The following GRIA4 variants were observed in gnomAD, a reference collection of about 807,000 sequenced individuals.
GRIA4 encodes glutamate receptor 4.
In GRIA4, 34 loss-of-function variants were observed where a neutral mutation model predicts 104.0. That is an observed-to-expected ratio of 0.33 (90% CI 0.25 to 0.44). The LOEUF is 0.44. Among genes scored for constraint, GRIA4 ranks in the 20% least tolerant of loss-of-function variants. The pLI, the probability that GRIA4 is intolerant of heterozygous loss-of-function variation, is 1.00. For synonymous variants in GRIA4, 386 were observed against 381.9 expected (o/e 1.01, Z -0.13); for missense variants, 750 against 1,096.5 (o/e 0.68, Z 4.46).
chr11:105,793,335 C>G (rs1210207415), intron 4 of GRIA4, among the ~76,000 whole-genome samples: 4 of 152,076 alleles, frequency 2.6e-5, no homozygotes, highest in Non-Finnish European at 4.4e-5. Context: ...CTACCACTTC[C>G]CCAGGGGTAA....
chr11:105,970,083 C>G (rs983326146), intron 14 of GRIA4, among the ~76,000 whole-genome samples: 1 of 152,024 alleles, frequency 6.6e-6, no homozygotes, highest in African/African-American at 2.4e-5. Context: ...CCATAATCCT[C>G]AACTCACCCC....
At chr11:105,756,456 C>T (rs1565521248) in intron 4 of GRIA4, among the ~76,000 whole-genome samples, 1 of 152,112 alleles carries the variant, frequency 6.6e-6, no homozygotes, top group Admixed American at 6.6e-5. Flanking sequence ...TAAAATTCCC[C>T]TGGTTCATTT....
intron 3 of GRIA4, among the ~76,000 whole-genome samples, chr11:105,692,505 A>G (rs1187034194): frequency 6.6e-6 from 1 of 152,240 alleles, no homozygotes; most frequent in Non-Finnish European, 1.5e-5. Flanking sequence ...GTAAGTCATA[A>G]GATCAACCTG....
At chr11:105,811,782 C>A (rs1943182325) in intron 4 of GRIA4, among the ~76,000 whole-genome samples, 1 of 152,188 alleles carries the variant, frequency 6.6e-6, no homozygotes, top group South Asian at 2.1e-4. Context: ...TACCTGGCAA[C>A]CTTCAACTCA....
chr11:105,887,907 A>G (rs1946323416), intron 6 of GRIA4, among the ~76,000 whole-genome samples: 1 of 152,234 alleles, frequency 6.6e-6, no homozygotes, highest in South Asian at 2.1e-4. Context: ...TATTATAAGA[A>G]TGATCTAAAC....
At chr11:105,833,336 T>A (rs368916930) in intron 4 of GRIA4, among the ~76,000 whole-genome samples, 1 of 152,006 alleles carries the variant, frequency 6.6e-6, no homozygotes, top group Non-Finnish European at 1.5e-5. Context: ...CATATTCTTA[T>A]GCTATATCTC....
At chr11:105,635,983 T>A (rs1565421621) in intron 3 of GRIA4, among the ~76,000 whole-genome samples, 2 of 152,190 alleles carry the variant, frequency 1.3e-5, no homozygotes, top group Non-Finnish European at 2.9e-5. Flanking sequence ...ATATTTCATA[T>A]GAACTCAGAG....
intron 3 of GRIA4, among the ~76,000 whole-genome samples, chr11:105,619,824 G>T (rs1019273451): frequency 6.6e-6 from 1 of 151,802 alleles, no homozygotes; most frequent in African/African-American, 2.4e-5. Context: ...TGAACAAACA[G>T]CTCTTCATTC....
intron 4 of GRIA4, among the ~76,000 whole-genome samples, chr11:105,796,277 A>C (rs2135821491): frequency 6.6e-6 from 1 of 152,214 alleles, no homozygotes; most frequent in East Asian, 1.9e-4. Context: ...GTGTTTATTT[A>C]TTTGGGTACT....
At chr11:105,894,791 A>ATTTTTTTTTTTTTTTTTTTTTTT (rs569292239) in intron 6 of GRIA4, among the ~76,000 whole-genome samples, 1 of 126,386 alleles carries the variant, frequency 7.9e-6, no homozygotes, top group African/African-American at 3.2e-5. Context: ...ATTGCTACAT[A>ATTTTTTTTTTTTTTTTTTTTTTT]TTTTTTTTTT....
intron 3 of GRIA4, among the ~76,000 whole-genome samples, chr11:105,644,601 C>A (rs1200092008): frequency 6.6e-6 from 1 of 151,936 alleles, no homozygotes; most frequent in Non-Finnish European, 1.5e-5. Context: ...CAGACTCCAT[C>A]TCAAAAACTA....
chr11:105,897,649 TG>T (rs1173518039), intron 6 of GRIA4, among the ~76,000 whole-genome samples: 7 of 152,192 alleles, frequency 4.6e-5, no homozygotes, highest in African/African-American at 1.7e-4. Context: ...TGCTTTTTAC[TG>T]TATCTGTTGG....
At position 105,981,485 on chromosome 11, in the gene GRIA4, C is replaced by G. The variant is rs1052854776; in HGVS notation, c.*1746C>G. 3 of 151,006 alleles carry G rather than the reference C, an allele frequency of 2.0e-5. No homozygotes were observed. Among genetic ancestry groups the G allele is most frequent in the Non-Finnish European group, 4.4e-5 (3 of 67,732 alleles). 9.4% of individuals were successfully genotyped at this position (151,006 alleles called of 1,614,324 possible). On this transcript the variant is annotated 3_prime_UTR_variant, in exon 17 of 17. Transcript: ENST00000282499. ...AGCTGAAGGATTGATTTTCTTCCAT[C>G]AACTCTCAAGATCCCATTCGCCATT...
intron 6 of GRIA4, among the ~76,000 whole-genome samples, chr11:105,897,982 C>T (rs1946716309): frequency 5.3e-5 from 8 of 151,972 alleles, no homozygotes; most frequent in Admixed American, 5.2e-4. Flanking sequence ...CTCCTGTATC[C>T]CCCTTTATAC....
chr11:105,839,737 C>T (rs940268029), intron 4 of GRIA4, among the ~76,000 whole-genome samples: 2 of 151,766 alleles, frequency 1.3e-5, no homozygotes, highest in African/African-American at 4.8e-5. Context: ...AAAAAGAACC[C>T]CAAATTACAC....
chr11:105,726,086 T>C (rs533039506), intron 3 of GRIA4, among the ~76,000 whole-genome samples: 3 of 152,042 alleles, frequency 2.0e-5, no homozygotes, highest in Admixed American at 2.0e-4. Context: ...GGGAGCCAAG[T>C]GGTCTTGCTC....
At chr11:105,973,565 G>T (rs1212733164) in intron 15 of GRIA4, among the ~76,000 whole-genome samples, 52 of 151,792 alleles carry the variant, frequency 3.4e-4, no homozygotes, top group Admixed American at 3.4e-3. Context: ...AATAATTATA[G>T]ATTCATCCAT....
intron 14 of GRIA4, among the ~76,000 whole-genome samples, chr11:105,936,001 T>C (rs993227758): frequency 1.3e-5 from 2 of 152,176 alleles, no homozygotes; most frequent in African/African-American, 2.4e-5. Context: ...CTTTGTTTTA[T>C]ATATGCCACA....
At chr11:105,614,963 T>A (rs1283014506) in intron 3 of GRIA4, among the ~76,000 whole-genome samples, 1 of 151,954 alleles carries the variant, frequency 6.6e-6, no homozygotes, top group Admixed American at 6.6e-5. Context: ...AATTTAATAT[T>A]CTAGATAATT....
Sources: gnomAD v4.1 joint callset for allele counts (sites outside exome capture counted in the v4.1 genomes callset) on GRCh38, gnomAD v4.1.1 for gene constraint, MANE v1.5 for transcripts, NCBI Gene and HGNC (gene_info 2026-07-23, HGNC 2026-07-21) for gene names.